NR5A2: variants seen among roughly 807,000 people sequenced by gnomAD.
NR5A2 encodes CYP7A promoter-binding factor.
NR5A2 carries 26 observed loss-of-function variants against 62.7 expected under a neutral mutation model. That is an observed-to-expected ratio of 0.41 (90% CI 0.30 to 0.58). The LOEUF is 0.58. Among genes scored for constraint, NR5A2 ranks in the 20% least tolerant of loss-of-function variants. The pLI, the probability that NR5A2 is intolerant of heterozygous loss-of-function variation, is 0.22. For synonymous variants in NR5A2, 246 were observed against 241.7 expected (o/e 1.02, Z -0.16); for missense variants, 541 against 669.1 (o/e 0.81, Z 2.11).
intron 5 of NR5A2, among the ~76,000 whole-genome samples, chr1:200,090,269 C>T (rs12037385): frequency 0.067 from 10,224 of 152,230 alleles, 633 homozygotes; most frequent in East Asian, 0.31. Context: ...TGATTTAAAG[C>T]AGTAGTTCCC....
At chr1:200,140,437 T>A (rs1171431794) in intron 7 of NR5A2, among the ~76,000 whole-genome samples, 2 of 152,332 alleles carry the variant, frequency 1.3e-5, no homozygotes, top group Non-Finnish European at 2.9e-5. Context: ...TAAGAATGTT[T>A]TATCAGCTTT....
chr1:200,074,848 T>C (rs1381068975), intron 5 of NR5A2, among the ~76,000 whole-genome samples: 2 of 150,478 alleles, frequency 1.3e-5, no homozygotes, highest in Non-Finnish European at 2.9e-5. Context: ...CAAATATGGA[T>C]ATATTTTCCC....
chr1:200,104,876 TGGTCTCGAATTCCC>T (rs1430376844), intron 5 of NR5A2, among the ~76,000 whole-genome samples: 1 of 152,194 alleles, frequency 6.6e-6, no homozygotes. Context: ...TTGGCCAGGC[TGGTCTCGAATTCCC>T]GACCTCAAGT....
chr1:200,079,664 T>G (rs1290009243), intron 5 of NR5A2, among the ~76,000 whole-genome samples: 1 of 152,236 alleles, frequency 6.6e-6, no homozygotes, highest in African/African-American at 2.4e-5. Context: ...TGAGTTTTCC[T>G]TGGGCCTGCT....
chr1:200,137,853 T>A (rs1667295671), intron 7 of NR5A2, among the ~76,000 whole-genome samples: 1 of 152,196 alleles, frequency 6.6e-6, no homozygotes, highest in African/African-American at 2.4e-5. Flanking sequence ...GATAACCACA[T>A]GTGCTGGCAT....
chr1:200,107,702 C>T (rs774960149), intron 5 of NR5A2, among the ~76,000 whole-genome samples: 3 of 152,114 alleles, frequency 2.0e-5, no homozygotes, highest in Non-Finnish European at 4.4e-5. Flanking sequence ...TGCAGTGACA[C>T]GATCTCGGCT....
At chr1:200,166,945 T>G (rs1328352059) in intron 7 of NR5A2, among the ~76,000 whole-genome samples, 1 of 152,242 alleles carries the variant, frequency 6.6e-6, no homozygotes, top group Non-Finnish European at 1.5e-5. Flanking sequence ...TTACTGACTT[T>G]GAGATCCTGG....
chr1:200,086,897 G>A (rs1394046199), intron 5 of NR5A2, among the ~76,000 whole-genome samples: 1 of 152,046 alleles, frequency 6.6e-6, no homozygotes, highest in Non-Finnish European at 1.5e-5. Flanking sequence ...AAATTAGCTG[G>A]GAATGGTGAC....
At chr1:200,077,126 A>G (rs2102228307) in intron 5 of NR5A2, among the ~76,000 whole-genome samples, 1 of 152,374 alleles carries the variant, frequency 6.6e-6, no homozygotes, top group Admixed American at 6.5e-5. Context: ...TCTTTTAAAC[A>G]TTTATTCATA....
At chr1:200,157,000 T>TA (rs1653421062) in intron 7 of NR5A2, among the ~76,000 whole-genome samples, 1 of 152,180 alleles carries the variant, frequency 6.6e-6, no homozygotes, top group Non-Finnish European at 1.5e-5. Context: ...GACTGATACA[T>TA]TAGGCTTGGG....
chr1:200,172,962 A>G (rs1288771288), intron 7 of NR5A2, among the ~76,000 whole-genome samples: 1 of 152,040 alleles, frequency 6.6e-6, no homozygotes, highest in African/African-American at 2.4e-5. Flanking sequence ...GTATCTGTCT[A>G]TTTTTTCCAG....
At chr1:200,127,190 T>C (rs1666740958) in intron 7 of NR5A2, among the ~76,000 whole-genome samples, 1 of 152,244 alleles carries the variant, frequency 6.6e-6, no homozygotes, top group Non-Finnish European at 1.5e-5. Flanking sequence ...GTACTTTTTC[T>C]GATTCAGCCT....
At chr1:200,038,643 C>A in intron 1 of NR5A2, 2 of 1,192,574 alleles carry the variant, frequency 1.7e-6, no homozygotes, top group Non-Finnish European at 2.3e-6. Flanking sequence ...TCATCCGACA[C>A]ACTAGCAAGG....
chr1:200,135,627 A>T lies in NR5A2; in HGVS notation c.1378+14672A>T, dbSNP rs144611843. 3.4e-4 allele frequency among the ~76,000 whole-genome samples: 51 copies of T among 152,202 alleles called. No homozygotes were observed. The East Asian group carries it at 9.5e-3, about 28-fold the overall frequency. On this transcript the variant is annotated intron_variant, in intron 7 of 7. Coordinates refer to ENST00000367362, the MANE Select transcript of NR5A2 (RefSeq NM_205860.3). ...ATTGAGGTGATATGGCCTAATGGTGATGACTGCAAACTTGAATTCAGATTC... is the reference window on the plus strand; with the variant it reads ...ATTGAGGTGATATGGCCTAATGGTGTTGACTGCAAACTTGAATTCAGATTC...
At chr1:200,131,681 C>T (rs1473275014) in intron 7 of NR5A2, among the ~76,000 whole-genome samples, 4 of 152,110 alleles carry the variant, frequency 2.6e-5, no homozygotes, top group East Asian at 1.9e-4. Flanking sequence ...AGTTGGTTAA[C>T]GTGGTTAGCC....
chr1:200,033,710 G>A (rs886673346), intron 1 of NR5A2, among the ~76,000 whole-genome samples: 20 of 152,182 alleles, frequency 1.3e-4, no homozygotes, highest in African/African-American at 4.8e-4. Flanking sequence ...ACACCATCTC[G>A]TAATCGCGAA....
chr1:200,138,887 A>C (rs182358756), intron 7 of NR5A2, among the ~76,000 whole-genome samples: 16 of 152,264 alleles, frequency 1.1e-4, no homozygotes, highest in Middle Eastern at 3.4e-3. Context: ...AATTAGTCTT[A>C]GGCTTTTGCT....
intron 1 of NR5A2, among the ~76,000 whole-genome samples, chr1:200,038,470 C>G (rs1009827581): frequency 6.6e-6 from 1 of 152,222 alleles, no homozygotes; most frequent in Non-Finnish European, 1.5e-5. Flanking sequence ...CCCTCGGCCC[C>G]TTCAGGGCGC....
At chr1:200,146,101 C>G (rs748761927) in intron 7 of NR5A2, among the ~76,000 whole-genome samples, 2 of 147,546 alleles carry the variant, frequency 1.4e-5, no homozygotes, top group Admixed American at 6.6e-5. Context: ...ATATTAAAGA[C>G]TACTAAGTAC....
Sources: gnomAD v4.1 joint callset for allele counts (sites outside exome capture counted in the v4.1 genomes callset) on GRCh38, gnomAD v4.1.1 for gene constraint, MANE v1.5 for transcripts, NCBI Gene and HGNC (gene_info 2026-07-23, HGNC 2026-07-21) for gene names.